Variants in PARVG observed in about 807,000 individuals in gnomAD.
The protein encoded by PARVG is gamma-parvin.
A neutral mutation model predicts 44.4 loss-of-function variants in PARVG; 36 were observed. That is an observed-to-expected ratio of 0.81 (90% CI 0.62 to 1.07). The LOEUF is 1.07. Among genes scored for constraint, PARVG ranks in the 50% least tolerant of loss-of-function variants. PARVG has a pLI of 0.00. For missense variants in PARVG, 407 were observed against 407.4 expected (o/e 1.00, Z 0.01); for synonymous variants, 170 against 174.1 (o/e 0.98, Z 0.19).
At position 44,206,440 on chromosome 22, in the gene PARVG, C is replaced by T; in HGVS notation, c.*14C>T. 6.2e-7 allele frequency: 1 copy of T among 1,611,736 alleles called. No individual in the cohort carries two copies. Among genetic ancestry groups the T allele is most frequent in the Non-Finnish European group, 8.5e-7 (1 of 1,177,970 alleles). On this transcript the variant is annotated 3_prime_UTR_variant, in exon 14 of 14. Coordinates refer to ENST00000444313, the MANE Select transcript of PARVG (RefSeq NM_022141.7). ...GCCCCGAATTGACCCTCACTGCCTC[C>T]AAAGCCCAGAGCCTGCCTGTCAGCC...
chr22:44,199,585 T>C (rs1601746068), intron 12 of PARVG, among the ~76,000 whole-genome samples: 1 of 152,316 alleles, frequency 6.6e-6, no homozygotes, highest in East Asian at 1.9e-4. Flanking sequence ...CCTAGTGACG[T>C]GTGGTCTTGC....
intron 12 of PARVG, among the ~76,000 whole-genome samples, chr22:44,199,426 C>T (rs2054675413): frequency 6.6e-6 from 1 of 152,172 alleles, no homozygotes; most frequent in Admixed American, 6.5e-5. Context: ...CATCCACCCA[C>T]CTGCTCATCC....
chr22:44,201,413 C>T (rs1020646525), intron 12 of PARVG, among the ~76,000 whole-genome samples: 1 of 152,106 alleles, frequency 6.6e-6, no homozygotes, highest in Admixed American at 6.5e-5. Context: ...GCCTGCCGCC[C>T]GCAGCCTGCC....
At chr22:44,175,828 C>A (rs879400743) in intron 1 of PARVG, among the ~76,000 whole-genome samples, 1 of 152,100 alleles carries the variant, frequency 6.6e-6, no homozygotes, top group Non-Finnish European at 1.5e-5. Context: ...GGCATAGAGG[C>A]GGGTAAGGAG....
chr22:44,179,414 A>G (rs1488578546), upstream of PARVG, among the ~76,000 whole-genome samples: 1 of 152,238 alleles, frequency 6.6e-6, no homozygotes, highest in Non-Finnish European at 1.5e-5. This position sits in a 1 kb window ranked among gnomAD's most constrained non-coding sequence, Gnocchi z 4.2. Context: ...TATTCTGCAC[A>G]TACCTTGAGC....
At chr22:44,180,625 TG>T (rs1569176274), upstream of PARVG, among the ~76,000 whole-genome samples, 1 of 152,174 alleles carries the variant, frequency 6.6e-6, no homozygotes, top group East Asian at 1.9e-4. Context: ...CTCTGTAATA[TG>T]GGGGTGATGA....
chr22:44,194,488 C>CACCT (rs2054590984), intron 9 of PARVG, among the ~76,000 whole-genome samples: 1 of 152,186 alleles, frequency 6.6e-6, no homozygotes, highest in South Asian at 2.1e-4. Context: ...TCCACCCACC[C>CACCT]ACCTATCCAT....
In PARVG at chr22:44,190,659, C is replaced by G. The variant is rs199889732; in HGVS notation, c.497C>G (p.Thr166Ser). 1 of 1,611,618 alleles carries G rather than the reference C, an allele frequency of 6.2e-7. No homozygotes were observed. The highest frequency in any genetic ancestry group is 1.1e-5 in the South Asian group (1 of 91,038). Residue 166 changes from threonine (T) to serine (S), a missense_variant, in exon 7 of 14, where the codon ACT (threonine) becomes AGT (serine). Transcript: ENST00000444313. ...ACCAACGTCCAGGTGGAGGTCATCA[C>G]TATCGAGGTAGCAGCCTGGGCCCCA... ...LPTNVQVEVI[T>S]IESTKSGLKS...
chr22:44,178,339 C>A (rs189136009), upstream of PARVG, among the ~76,000 whole-genome samples: 265 of 152,276 alleles, frequency 1.7e-3, 1 homozygote, highest in African/African-American at 6.2e-3. Flanking sequence ...TGGCTTTCTG[C>A]CTGGACATAA....
chr22:44,190,627 C>T lies in PARVG; in HGVS notation c.465C>T (p.Ser155=), dbSNP rs1444785182. The T allele has an allele frequency of 1.2e-6, 2 of 1,614,056 alleles. No individual in the cohort carries two copies. The highest frequency in any genetic ancestry group is 2.7e-5 in the African/African-American group (2 of 74,942). Residue 155 remains serine (S), a synonymous_variant, in exon 7 of 14, where the codon TCC becomes TCT. Coordinates refer to ENST00000444313, the MANE Select transcript of PARVG (RefSeq NM_022141.7). ...ALAKRFQPDL[S]LPTNVQVEVI... ...CCAAGCGCTTCCAGCCCGACCTCTC[C>T]CTCCCAACCAACGTCCAGGTGGAGG... is the stretch of plus-strand genomic sequence containing the variant.
chr22:44,183,689 CA>C (rs371660244), intron 3 of PARVG: 521 of 434,226 alleles, frequency 1.2e-3, no homozygotes, highest in African/African-American at 9.3e-3. Context: ...CCTACTGCAC[CA>C]GCACCTCTTA....
intron 4 of PARVG, chr22:44,186,311 G>T: frequency 3.1e-6 from 1 of 327,150 alleles, no homozygotes; most frequent in Non-Finnish European, 6.1e-6. Context: ...AGGTGGTGGT[G>T]GTGGGCCTGG....
chr22:44,202,043 C>T (rs536994411), intron 12 of PARVG, among the ~76,000 whole-genome samples: 18 of 152,336 alleles, frequency 1.2e-4, no homozygotes, highest in Admixed American at 7.8e-4. Flanking sequence ...GGATCTCCCA[C>T]GGGCAGTGTG....
At chr22:44,179,865 G>A (rs1015983921), upstream of PARVG, among the ~76,000 whole-genome samples, 9 of 152,132 alleles carry the variant, frequency 5.9e-5, no homozygotes, top group African/African-American at 1.4e-4. The surrounding 1 kb of genome is among the most constrained non-coding windows in gnomAD (Gnocchi z 4.2). Context: ...TGGAGGCAGC[G>A]CCTCCAGCAA....
rs139127 is a variant in PARVG at position 44,182,408 on chromosome 22, G to T, written c.-13+491G>T. 0.023 allele frequency among the ~76,000 whole-genome samples: 3,470 copies of T among 152,228 alleles called. 74 individuals carry two copies. The highest frequency in any genetic ancestry group is 0.037 in the Non-Finnish European group (2,516 of 68,016). ...TGGCCCTCAGCTTGGATATTAAGGG[G>T]CTGGGAGTCAGTTGTGTCCCCACCA... On this transcript the variant is annotated intron_variant, in intron 2 of 13. Coordinates refer to ENST00000444313, the MANE Select transcript of PARVG (RefSeq NM_022141.7). This position sits in a 1 kb window ranked among gnomAD's most constrained non-coding sequence, Gnocchi z 4.6.
At chr22:44,181,498 G>A (rs2054376349) in intron 1 of PARVG, 5 of 735,548 alleles carry the variant, frequency 6.8e-6, no homozygotes, top group South Asian at 6.1e-5. Flanking sequence ...GGTGGGTTGC[G>A]GGGGTCGACC....
rs1385399978 is a variant in PARVG, at chr22:44,190,584, A to G, written c.422A>G (p.His141Arg). The change falls in exon 7 of 14, where the codon CAC becomes CGC. Residue 141 changes from histidine to arginine, a missense_variant. Transcript: ENST00000444313. ...IFNKDLLSTL[H>R]LLVALAKRFQ... is the part of the protein sequence containing the mutation. ...AACAAGGACCTGTTGTCTACCCTGCACCTCCTTGTGGCCCTGGCCAAGCGC... is the reference window on the plus strand; with the variant it reads ...AACAAGGACCTGTTGTCTACCCTGCGCCTCCTTGTGGCCCTGGCCAAGCGC... The G allele has an allele frequency of 2.5e-6, 4 of 1,613,846 alleles. No individual in the cohort carries two copies. The African/African-American group carries it at 5.3e-5, about 22-fold the overall frequency.
rs753031147 is a variant in PARVG, at chr22:44,201,561, G to A, written c.813+2839G>A. Among the ~76,000 whole-genome samples the A allele has an allele frequency of 4.6e-5, 7 of 152,202 alleles. No individual in the cohort carries two copies. The East Asian group carries it at 9.6e-4, about 21-fold the overall frequency. ...CGAGGCCGGGGCAGTCAGTGTCTACGGTCCTGGTGGTTGTGGCAGGCACGG... is the reference window on the plus strand; with the variant it reads ...CGAGGCCGGGGCAGTCAGTGTCTACAGTCCTGGTGGTTGTGGCAGGCACGG... On this transcript the variant is annotated intron_variant, in intron 12 of 13. Coordinates refer to ENST00000444313, the MANE Select transcript of PARVG (RefSeq NM_022141.7).
At chr22:44,201,578 C>T (rs985274373) in intron 12 of PARVG, among the ~76,000 whole-genome samples, 1 of 152,224 alleles carries the variant, frequency 6.6e-6, no homozygotes. Context: ...GTGGTTGTGG[C>T]AGGCACGGTG....
Sources: gnomAD v4.1 joint callset for allele counts (sites outside exome capture counted in the v4.1 genomes callset) on GRCh38, gnomAD v4.1.1 for gene constraint, Gnocchi (gnomAD v3.1) non-coding constraint, MANE v1.5 for transcripts, NCBI Gene and HGNC (gene_info 2026-07-23, HGNC 2026-07-21) for gene names.